The following UNKL variants were observed in gnomAD, a reference collection of about 807,000 sequenced individuals.
The protein encoded by UNKL is putative E3 ubiquitin-protein ligase UNKL.
Under a neutral mutation model 78.0 loss-of-function variants are expected in UNKL, and 60 were observed. That is an observed-to-expected ratio of 0.77 (90% CI 0.63 to 0.95). The LOEUF is 0.95. UNKL is among the 40% of genes least tolerant of loss of function. UNKL has a pLI of 0.00. For synonymous variants in UNKL, 608 were observed against 474.8 expected, an observed-to-expected ratio of 1.28 and a Z score of -3.65; for missense variants, 1,159 against 1,045.7, an observed-to-expected ratio of 1.11 and a Z score of -1.49.
chr16:1,369,055 GTTTTTTTTTTTTT>G (rs1218071522), intron 12 of UNKL, among the ~76,000 whole-genome samples: 7 of 53,692 alleles, frequency 1.3e-4, no homozygotes, highest in African/African-American at 2.3e-4. Context: ...CAAAGTATTA[GTTTTTTTTTTTTT>G]TTTTTTTTTT....
chr16:1,369,756 C>G (rs1468465527), intron 12 of UNKL, among the ~76,000 whole-genome samples: 1 of 152,188 alleles, frequency 6.6e-6, no homozygotes, highest in Non-Finnish European at 1.5e-5. Flanking sequence ...GCAGGCAGAT[C>G]ACGAGGTCAG....
At position 1,363,218 on chromosome 16, in the gene UNKL, T is replaced by G; in HGVS notation, c.*3022A>C. 1 of 782,332 alleles carries G rather than the reference T, an allele frequency of 1.3e-6. No individual in the cohort carries two copies. Among genetic ancestry groups the G allele is most frequent in the Non-Finnish European group, 2.2e-6 (1 of 459,664 alleles). 48.5% of individuals were successfully genotyped at this position (782,332 alleles called of 1,614,324 possible). On this transcript the variant is annotated 3_prime_UTR_variant, in exon 15 of 15. Transcript: ENST00000389221. ...AGCAGACAAAACAAAGATTCAAGGT[T>G]TTAATTAATTCCCATACTGATAAAA...
intron 8 of UNKL, among the ~76,000 whole-genome samples, chr16:1,391,111 C>T (rs2037026544): frequency 6.6e-6 from 1 of 151,762 alleles, no homozygotes; most frequent in African/African-American, 2.4e-5. Context: ...GGTCATACCA[C>T]CGCACTGCAG....
At chr16:1,398,735 G>A in intron 5 of UNKL, 5 of 1,263,498 alleles carry the variant, frequency 4.0e-6, no homozygotes, top group Non-Finnish European at 5.1e-6. Flanking sequence ...AGCCAGGCCA[G>A]GCACAACCAG....
intron 12 of UNKL, chr16:1,368,110 G>A (rs2035460731): frequency 3.6e-6 from 2 of 562,990 alleles, no homozygotes; most frequent in African/African-American, 1.9e-5. Flanking sequence ...GGCCACCTGA[G>A]GAGTCTAAAC....
Position 1,399,363 on chromosome 16 carries a change from C to T in UNKL, c.734+11G>A, listed in dbSNP as rs767740688. 5.9e-5 allele frequency: 93 copies of T among 1,577,180 alleles called. 1 individual carries two copies. The South Asian group carries it at 9.2e-4, about 16-fold the overall frequency. On this transcript the variant is annotated intron_variant, in intron 5 of 14. Coordinates refer to ENST00000389221, the MANE Select transcript of UNKL (RefSeq NM_001372107.1). The surrounding 1 kb of genome is among the most constrained non-coding windows in gnomAD (Gnocchi z 5.8). Reference sequence around the variant, plus strand: ...AGCCGGAGTCCTCTGAGCACGGTCCCGCAGGCTCACCTGTACTGGAACCGC... The same window carrying T: ...AGCCGGAGTCCTCTGAGCACGGTCCTGCAGGCTCACCTGTACTGGAACCGC...
In UNKL at chr16:1,413,978, C is replaced by T; in HGVS notation, c.155G>A (p.Cys52Tyr). 1 of 1,552,556 alleles carries T rather than the reference C, an allele frequency of 6.4e-7. No individual in the cohort carries two copies. The highest frequency in any genetic ancestry group is 8.7e-7 in the Non-Finnish European group (1 of 1,147,906). The stretch of plus-strand genomic sequence containing the variant: ...CTGGTTGAGGAAGTGCCAGTGGAAG[C>T]AGGTGAACGGCCGGTGCTGCGCGCA... ...HKCAQHRPFT[C>Y]FHWHFLNQRR... is the part of the protein sequence containing the mutation. The change falls in exon 2 of 15, where the codon TGC (cysteine) becomes TAC (tyrosine). Residue 52 changes from cysteine (C) to tyrosine (Y), a missense_variant. Physicochemically the swap from Cys to Tyr is radical, Grantham distance 194. Coordinates refer to ENST00000389221, the MANE Select transcript of UNKL (RefSeq NM_001372107.1).
chr16:1,383,556 T>C (rs1302014735), intron 10 of UNKL: 2 of 341,600 alleles, frequency 5.9e-6, no homozygotes, highest in South Asian at 4.2e-5. Context: ...CCTGCCGATG[T>C]GTGGTCTGTG....
chr16:1,367,606 C>G, intron 13 of UNKL, 50 bp downstream of exon 13: 2 of 1,223,964 alleles, frequency 1.6e-6, no homozygotes, highest in Non-Finnish European at 1.1e-6. Flanking sequence ...CACCTGAGTC[C>G]CCTGCGGCCC....
chr16:1,379,786 C>T, intron 10 of UNKL: 1 of 836,850 alleles, frequency 1.2e-6, no homozygotes, highest in East Asian at 1.2e-4. Flanking sequence ...CCTCCCCCAA[C>T]CTTCCCCCCG....
At position 1,381,833 on chromosome 16, in the gene UNKL, T is replaced by TACTTG. The variant is rs2036617581; in HGVS notation, c.1264+3370_1264+3374dup. Among the ~76,000 whole-genome samples the TACTTG allele has an allele frequency of 2.0e-5, 3 of 152,218 alleles. No individual in the cohort carries two copies. The South Asian group carries it at 6.2e-4, about 31-fold the overall frequency. On this transcript the variant is annotated intron_variant, in intron 10 of 14. Coordinates refer to ENST00000389221, the MANE Select transcript of UNKL (RefSeq NM_001372107.1). ...TGGTGCCTGCCTGTGGTCTCAGCTCTACTTGAGAGGCTGATGCAGAAGCAT... is the reference window on the plus strand; with the variant it reads ...TGGTGCCTGCCTGTGGTCTCAGCTCTACTTGACTTGAGAGGCTGATGCAGAAGCAT...
chr16:1,379,528 C>G (rs944757319), intron 10 of UNKL: 38 of 984,984 alleles, frequency 3.9e-5, no homozygotes, highest in Non-Finnish European at 4.6e-5. Flanking sequence ...ACGCGGGGGA[C>G]GCACCTGGCG....
rs2141884215 is a variant in UNKL at position 1,364,893 on chromosome 16, C to CTCCCAGT, written c.*1340_*1346dup. On this transcript the variant is annotated 3_prime_UTR_variant, in exon 15 of 15. Transcript: ENST00000389221. ...CACGGGTGCTGGGGAGGCAACCACTCTCCCAGTTCACTGCCTGACCCCTGC... is the reference window on the plus strand; with the variant it reads ...CACGGGTGCTGGGGAGGCAACCACTCTCCCAGTTCCCAGTTCACTGCCTGACCCCTGC... 1 of 152,514 alleles carries CTCCCAGT rather than the reference C, an allele frequency of 6.6e-6. No homozygotes were observed. Among genetic ancestry groups the CTCCCAGT allele is most frequent in the African/African-American group, 2.4e-5 (1 of 41,552 alleles). 9.4% of individuals were successfully genotyped at this position (152,514 alleles called of 1,614,324 possible). A position where few individuals can be genotyped will look rare whatever the true frequency, so the allele number is the denominator to read the frequency against.
In UNKL at chr16:1,399,860, GAT is replaced by G. The variant is rs1387106743; in HGVS notation, c.599-353_599-352del. On this transcript the variant is annotated intron_variant, in intron 4 of 14. Transcript: ENST00000389221. The surrounding 1 kb of genome is among the most constrained non-coding windows in gnomAD (Gnocchi z 5.8). Reference sequence around the variant, plus strand: ...AAATGTTCTCCAACTAGAGAGAGGTGATGTGTGCACAGCTTTTGAGAATATGC... The same window carrying G: ...AAATGTTCTCCAACTAGAGAGAGGTGGTGTGCACAGCTTTTGAGAATATGC... Among the ~76,000 whole-genome samples the G allele has an allele frequency of 6.6e-6, 1 of 152,160 alleles. No homozygotes were observed. The highest frequency in any genetic ancestry group is 1.5e-5 in the Non-Finnish European group (1 of 68,028).
chr16:1,403,606 G>A lies in UNKL; in HGVS notation c.288-262C>T, dbSNP rs1380819317. ...AAACACAGACCATCGCAAACCCCCA[G>A]TCAGCCAAACACAGCAGGAAACACA... On this transcript the variant is annotated intron_variant, in intron 2 of 14. Transcript: ENST00000389221. This position sits in a 1 kb window ranked among gnomAD's most constrained non-coding sequence, Gnocchi z 4.8. Among the ~76,000 whole-genome samples the A allele has an allele frequency of 6.6e-6, 1 of 152,084 alleles. No individual in the cohort carries two copies. Among genetic ancestry groups the A allele is most frequent in the East Asian group, 1.9e-4 (1 of 5,196 alleles).
At position 1,363,348 on chromosome 16, in the gene UNKL, A is replaced by G; in HGVS notation, c.*2892T>C. 8.2e-6 allele frequency: 4 copies of G among 485,458 alleles called. No individual in the cohort carries two copies. Among genetic ancestry groups the G allele is most frequent in the African/African-American group, 7.8e-5 (4 of 51,380 alleles). The allele number at this position is 485,458 out of a possible 1,614,324, so 30.1% of individuals were successfully genotyped here. On this transcript the variant is annotated 3_prime_UTR_variant, in exon 15 of 15. Transcript: ENST00000389221. ...TCGCTACAAGTAAATGATTATAAAT[A>G]CTACCTTCTGGGTTAAGAAAATTCC...
rs537497977 is a variant in UNKL at position 1,403,854 on chromosome 16, G to C, written c.288-510C>G. Among the ~76,000 whole-genome samples the C allele has an allele frequency of 6.6e-6, 1 of 152,248 alleles. No individual in the cohort carries two copies. The highest frequency in any genetic ancestry group is 1.9e-4 in the East Asian group (1 of 5,170). ...ACAGGGCCCTGGACGCGGCTTGGGG[G>C]ACACGAGGGGGATGGGCAGAAGAGG... On this transcript the variant is annotated intron_variant, in intron 2 of 14. Transcript: ENST00000389221. The surrounding 1 kb of genome is among the most constrained non-coding windows in gnomAD (Gnocchi z 4.8).
chr16:1,374,958 G>C (rs1233735960), intron 10 of UNKL, among the ~76,000 whole-genome samples: 1 of 152,240 alleles, frequency 6.6e-6, no homozygotes, highest in Non-Finnish European at 1.5e-5. Context: ...AGATTTGTCG[G>C]GAACACAGCT....
intron 10 of UNKL, among the ~76,000 whole-genome samples, chr16:1,384,224 GTGGGTGTCCCCCACCACCCCAACA>G (rs2036721441): frequency 1.3e-5 from 2 of 150,452 alleles, no homozygotes; most frequent in Non-Finnish European, 3.0e-5. Flanking sequence ...CCCCAACACG[GTGGGTGTCCCCCACCACCCCAACA>G]CGGCAGGTGT....
Sources: gnomAD v4.1 joint callset for allele counts (sites outside exome capture counted in the v4.1 genomes callset) on GRCh38, gnomAD v4.1.1 for gene constraint, Gnocchi (gnomAD v3.1) non-coding constraint, MANE v1.5 for transcripts, NCBI Gene and HGNC (gene_info 2026-07-23, HGNC 2026-07-21) for gene names.